Variants in CAB39 observed in about 807,000 individuals in gnomAD.
The protein encoded by CAB39 is calcium binding protein 39, also known as calcium-binding protein 39.
A neutral mutation model predicts 40.0 loss-of-function variants in CAB39; 8 were observed. That is an observed-to-expected ratio of 0.20 (90% CI 0.12 to 0.36). The LOEUF (loss-of-function observed/expected upper bound fraction) is 0.36, where lower values mean the gene tolerates loss of function less well. CAB39 is among the 10% of genes least tolerant of loss of function. The pLI is 1.00. For missense variants in CAB39, 270 were observed against 401.1 expected, an observed-to-expected ratio of 0.67 and a Z score of 2.79; for synonymous variants, 156 against 141.6, an observed-to-expected ratio of 1.10 and a Z score of -0.72.
rs764170890 is a variant in CAB39 at position 230,818,503 on chromosome 2, T to C, written c.838-13T>C. 3 of 1,610,906 alleles carry C rather than the reference T, an allele frequency of 1.9e-6. No individual in the cohort carries two copies. The highest frequency in any genetic ancestry group is 2.5e-6 in the Non-Finnish European group (3 of 1,178,038). On this transcript the variant is annotated splice_polypyrimidine_tract_variant and intron_variant, in intron 8 of 8. Coordinates refer to ENST00000258418, the MANE Select transcript of CAB39 (RefSeq NM_016289.4). ...CCTTTCTCTGTGCCTCATGTGCGTT[T>C]CTCTCCACGCAGGTGTTTGTAGCCA...
intron 2 of CAB39, among the ~76,000 whole-genome samples, chr2:230,764,595 A>AT (rs1182546548): frequency 1.3e-5 from 2 of 152,238 alleles, no homozygotes; most frequent in African/African-American, 4.8e-5. Flanking sequence ...CACTGATCTC[A>AT]TTAGAAGAGT....
intron 2 of CAB39, among the ~76,000 whole-genome samples, chr2:230,785,431 C>T (rs1001065897): frequency 6.6e-6 from 1 of 151,722 alleles, no homozygotes; most frequent in African/African-American, 2.4e-5. Context: ...AGGGCCTATT[C>T]GATTTTGTCA....
chr2:230,731,216 G>C (rs955167243), intron 1 of CAB39, among the ~76,000 whole-genome samples: 2 of 152,176 alleles, frequency 1.3e-5, no homozygotes, highest in African/African-American at 4.8e-5. Context: ...ACAATGGGGG[G>C]TGCTATTAGA....
At chr2:230,735,702 A>C (rs1318991580) in intron 1 of CAB39, among the ~76,000 whole-genome samples, 1 of 151,356 alleles carries the variant, frequency 6.6e-6, no homozygotes, top group African/African-American at 2.4e-5. Flanking sequence ...TTTTATAGAG[A>C]CCAGGTCTCA....
intron 5 of CAB39, among the ~76,000 whole-genome samples, chr2:230,808,159 T>C (rs958994243): frequency 1.3e-5 from 2 of 151,970 alleles, no homozygotes; most frequent in Non-Finnish European, 2.9e-5. Flanking sequence ...CGATTTCAGC[T>C]CAGTGCAACT....
chr2:230,746,748 C>T (rs1037829408), intron 1 of CAB39, among the ~76,000 whole-genome samples: 2 of 152,054 alleles, frequency 1.3e-5, no homozygotes, highest in Non-Finnish European at 2.9e-5. Flanking sequence ...ATTTTCTAGT[C>T]AACTCTTGGT....
At chr2:230,809,011 C>G (rs935528561) in intron 5 of CAB39, among the ~76,000 whole-genome samples, 1 of 152,182 alleles carries the variant, frequency 6.6e-6, no homozygotes, top group Non-Finnish European at 1.5e-5. Flanking sequence ...ATCAAATAAT[C>G]CCACAAACCA....
chr2:230,725,695 T>C lies in CAB39; in HGVS notation c.-44+12465T>C, dbSNP rs144474453. 8.0e-3 allele frequency among the ~76,000 whole-genome samples: 1,220 copies of C among 152,246 alleles called. 10 individuals carry two copies. Among genetic ancestry groups the C allele is most frequent in the Non-Finnish European group, 0.013 (866 of 68,024 alleles). On this transcript the variant is annotated intron_variant, in intron 1 of 8. Transcript: ENST00000258418. ...TGGAATGTAGAATCATCCTGGAACA[T>C]AGGACATTTCTGATACAGAAACAGA...
intron 1 of CAB39, among the ~76,000 whole-genome samples, chr2:230,720,770 G>A (rs1694435844): frequency 1.3e-5 from 2 of 152,286 alleles, no homozygotes; most frequent in South Asian, 4.1e-4. Context: ...CAGGCCTCAA[G>A]GAGCTCAGTA....
chr2:230,753,008 A>T (rs748640997), intron 1 of CAB39, among the ~76,000 whole-genome samples: 9 of 152,174 alleles, frequency 5.9e-5, no homozygotes, highest in Non-Finnish European at 1.3e-4. Flanking sequence ...GAAACCATAG[A>T]TGAGATCACC....
chr2:230,805,409 A>G (rs188723835), intron 5 of CAB39, among the ~76,000 whole-genome samples: 119 of 152,248 alleles, frequency 7.8e-4, no homozygotes, highest in African/African-American at 2.6e-3. Context: ...TTAAAAAAAA[A>G]ATACAAAAAA....
intron 2 of CAB39, among the ~76,000 whole-genome samples, chr2:230,771,931 TA>T (rs2124932166): frequency 1.3e-5 from 2 of 152,298 alleles, no homozygotes; most frequent in East Asian, 3.9e-4. Flanking sequence ...ATTTAAAAAT[TA>T]ACTCAAAATG....
chr2:230,779,208 T>C (rs1172778621), intron 2 of CAB39: 2 of 152,228 alleles, frequency 1.3e-5, no homozygotes, highest in Non-Finnish European at 2.9e-5. Context: ...CCATGGGACA[T>C]AGGGACTTCA....
At chr2:230,728,378 C>G (rs1274620791) in intron 1 of CAB39, among the ~76,000 whole-genome samples, 1 of 148,798 alleles carries the variant, frequency 6.7e-6, no homozygotes, top group East Asian at 1.9e-4. Context: ...TTTTTTTTTT[C>G]CTGCTCACTG....
intron 2 of CAB39, among the ~76,000 whole-genome samples, chr2:230,786,366 G>A (rs1239693817): frequency 6.7e-6 from 1 of 149,838 alleles, no homozygotes; most frequent in Non-Finnish European, 1.5e-5. Flanking sequence ...GGGGGGTGGG[G>A]TGGGGATGGG....
intron 1 of CAB39, among the ~76,000 whole-genome samples, chr2:230,750,700 T>C (rs1023992152): frequency 6.6e-6 from 1 of 152,236 alleles, no homozygotes. Flanking sequence ...ATCAAGACTT[T>C]AGATGTAGGC....
intron 4 of CAB39, among the ~76,000 whole-genome samples, 189 bp downstream of exon 4, chr2:230,793,520 CA>C (rs1695926603): frequency 6.6e-6 from 1 of 152,150 alleles, no homozygotes; most frequent in African/African-American, 2.4e-5. Context: ...AAATGCCCTA[CA>C]GGTGGGAATT....
At chr2:230,793,088 G>A in intron 3 of CAB39, 125 bp from the exon 4 acceptor site, 2 of 597,774 alleles carry the variant, frequency 3.3e-6, no homozygotes, top group East Asian at 2.8e-5. Flanking sequence ...GTCTATGAAT[G>A]TGTTAAAGTC....
At chr2:230,818,173 A>G (rs1041529100) in intron 8 of CAB39, 2 of 464,112 alleles carry the variant, frequency 4.3e-6, no homozygotes, top group Non-Finnish European at 3.8e-6. Flanking sequence ...GCATTTCTTA[A>G]TGCTTTCTGT....
Sources: allele counts gnomAD v4.1 joint callset (sites outside exome capture counted in the v4.1 genomes callset), GRCh38; gene constraint gnomAD v4.1.1; transcripts MANE v1.5; gene names NCBI Gene and HGNC (gene_info 2026-07-23, HGNC 2026-07-21).